SEMA6D: variants seen among roughly 807,000 people sequenced by gnomAD.
SEMA6D encodes semaphorin 6D, also known as semaphorin-6D.
Under a neutral mutation model 106.6 loss-of-function variants are expected in SEMA6D, and 35 were observed. That is an observed-to-expected ratio of 0.33 (90% CI 0.25 to 0.44). SEMA6D has a LOEUF of 0.44. Ranked by LOEUF, SEMA6D falls within the 20% of genes least tolerant of loss-of-function variation. The pLI, the probability that SEMA6D is intolerant of heterozygous loss-of-function variation, is 1.00. For synonymous variants in SEMA6D, 499 were observed against 487.7 expected (o/e 1.02, Z -0.31); for missense variants, 1,185 against 1,345.9 (o/e 0.88, Z 1.87).
At chr15:47,505,045 C>T (rs1429548706) in intron 3 of SEMA6D, among the ~76,000 whole-genome samples, 2 of 152,062 alleles carry the variant, frequency 1.3e-5, no homozygotes, top group African/African-American at 4.8e-5. Flanking sequence ...ATTACAGTGG[C>T]TCAGTGTGGC....
At chr15:47,544,268 C>A (rs949012910) in intron 3 of SEMA6D, among the ~76,000 whole-genome samples, 1 of 152,068 alleles carries the variant, frequency 6.6e-6, no homozygotes, top group Non-Finnish European at 1.5e-5. Flanking sequence ...CCCAAAATAT[C>A]CAAAATAAAG....
At chr15:47,412,771 G>T (rs79035739) in intron 2 of SEMA6D, among the ~76,000 whole-genome samples, 4,129 of 152,216 alleles carry the variant, frequency 0.027, 116 homozygotes, top group East Asian at 0.11. Flanking sequence ...ATTCAGAAGA[G>T]ATATGATTAT....
intron 1 of SEMA6D, among the ~76,000 whole-genome samples, chr15:47,338,536 G>GAA (rs1258140640): frequency 6.6e-6 from 1 of 151,848 alleles, no homozygotes; most frequent in South Asian, 2.1e-4. Context: ...AATTAAATTA[G>GAA]AAAAAAATTA....
At chr15:47,646,903 G>T (rs1275467959) in intron 4 of SEMA6D, among the ~76,000 whole-genome samples, 2 of 152,106 alleles carry the variant, frequency 1.3e-5, no homozygotes, top group African/African-American at 4.8e-5. Flanking sequence ...GACTAAAAAA[G>T]GTTGGCATTT....
intron 4 of SEMA6D, among the ~76,000 whole-genome samples, chr15:47,689,238 C>T (rs966807989): frequency 6.6e-6 from 1 of 152,102 alleles, no homozygotes; most frequent in Non-Finnish European, 1.5e-5. Context: ...TTCAGTCACC[C>T]CTTTGAATTT....
At chr15:47,519,610 A>C (rs1476025431) in intron 3 of SEMA6D, among the ~76,000 whole-genome samples, 1 of 152,214 alleles carries the variant, frequency 6.6e-6, no homozygotes, top group Non-Finnish European at 1.5e-5. Context: ...TGCCATTTAC[A>C]AAACTCAGGC....
chr15:47,751,961 G>A (rs990228831), intron 1 of SEMA6D, among the ~76,000 whole-genome samples: 1 of 152,178 alleles, frequency 6.6e-6, no homozygotes, highest in South Asian at 2.1e-4. Context: ...GGCTTGGTAG[G>A]TGGCATGACA....
Position 47,727,567 on chromosome 15 carries a change from G to A in SEMA6D, c.-55+9875G>A, listed in dbSNP as rs373438668. ...ATCTAAGACCTCTTGCCTACGGCAC[G>A]AAGAGAATGATTATGAGCTGAAGAC... On this transcript the variant is annotated intron_variant, in intron 1 of 18. Transcript: ENST00000536845. Among the ~76,000 whole-genome samples the A allele has an allele frequency of 2.5e-4, 38 of 152,314 alleles. 1 individual carries two copies. Among genetic ancestry groups the A allele is most frequent in the South Asian group, 2.5e-3 (12 of 4,830 alleles).
chr15:47,445,670 A>C (rs1427856369), intron 2 of SEMA6D, among the ~76,000 whole-genome samples: 1 of 151,748 alleles, frequency 6.6e-6, no homozygotes, highest in East Asian at 1.9e-4. Context: ...CCTTTTATCA[A>C]ATGTTTAGAT....
At chr15:47,441,213 A>G (rs1054701092) in intron 2 of SEMA6D, among the ~76,000 whole-genome samples, 1 of 152,234 alleles carries the variant, frequency 6.6e-6, no homozygotes, top group African/African-American at 2.4e-5. Context: ...AAGTGTTGCC[A>G]GTTCCTGACC....
Position 47,761,251 on chromosome 15 carries a change from T to C in SEMA6D, c.345+31T>C, listed in dbSNP as rs778910646. On this transcript the variant is annotated intron_variant, in intron 5 of 18. Coordinates refer to ENST00000536845, the MANE Select transcript of SEMA6D (RefSeq NM_001358351.3). ...TGAAACAGAAAAATGTCTGCTAGAT[T>C]TAGTCTTTCTGTGGGCTTGATACCA... 6.8e-6 allele frequency: 11 copies of C among 1,612,878 alleles called. No individual in the cohort carries two copies. The South Asian group carries it at 1.2e-4, about 18-fold the overall frequency.
chr15:47,707,589 A>G (rs1166915775), intron 4 of SEMA6D, among the ~76,000 whole-genome samples: 1 of 152,164 alleles, frequency 6.6e-6, no homozygotes, highest in African/African-American at 2.4e-5. Flanking sequence ...TAGGAATGTG[A>G]AGGATGAAGG....
chr15:47,298,155 A>C (rs2035876612), intron 1 of SEMA6D, among the ~76,000 whole-genome samples: 1 of 152,188 alleles, frequency 6.6e-6, no homozygotes, highest in Admixed American at 6.5e-5. Flanking sequence ...TGTGGTGAGA[A>C]GAAACTCATG....
rs16960071 is a variant in SEMA6D at position 47,766,572 on chromosome 15, T to A, written c.1647-44T>A. On this transcript the variant is annotated intron_variant, in intron 15 of 18. Coordinates refer to ENST00000536845, the MANE Select transcript of SEMA6D (RefSeq NM_001358351.3). Reference sequence around the variant, plus strand: ...GCTCTGGTTGTCACTTGTGTTCCTATGAAGGCTGTTAACCGAAGACTTCTT... The same window carrying A: ...GCTCTGGTTGTCACTTGTGTTCCTAAGAAGGCTGTTAACCGAAGACTTCTT... 0.032 allele frequency: 50,479 copies of A among 1,600,272 alleles called. 1,110 individuals carry two copies. The highest frequency in any genetic ancestry group is 0.069 in the South Asian group (6,239 of 90,584).
At position 47,761,190 on chromosome 15, in the gene SEMA6D, A is replaced by G; in HGVS notation, c.315A>G (p.Arg105=). ...CATGGCGATCAAGACAACAGGATCG[A>G]GAAAACTGTGCTATGAAAGGCAAGC... is the stretch of plus-strand genomic sequence containing the variant. ...KLTWRSRQQD[R]ENCAMKGKHK... Residue 105 remains arginine (R), a synonymous_variant, in exon 5 of 19, where the codon CGA becomes CGG. Transcript: ENST00000536845. 1.2e-6 allele frequency: 2 copies of G among 1,613,896 alleles called. No homozygotes were observed. The highest frequency in any genetic ancestry group is 2.2e-5 in the South Asian group (2 of 91,082).
intron 1 of SEMA6D, among the ~76,000 whole-genome samples, chr15:47,404,358 T>C (rs1567056085): frequency 6.6e-6 from 1 of 152,242 alleles, no homozygotes; most frequent in Non-Finnish European, 1.5e-5. Context: ...TTGTTTTTAC[T>C]ACTGTAGGGT....
chr15:47,239,672 C>T (rs2032783535), intron 1 of SEMA6D, among the ~76,000 whole-genome samples: 1 of 152,060 alleles, frequency 6.6e-6, no homozygotes, highest in African/African-American at 2.4e-5. Flanking sequence ...AAGAGCCTGG[C>T]TGGCTCTGTT....
At chr15:47,675,566 T>C (rs905769539) in intron 4 of SEMA6D, among the ~76,000 whole-genome samples, 1 of 152,156 alleles carries the variant, frequency 6.6e-6, no homozygotes, top group Non-Finnish European at 1.5e-5. Context: ...ATCTGTGGTA[T>C]TTTGCTATGG....
rs73388999 is a variant in SEMA6D at position 47,540,246 on chromosome 15, C to G, written c.-86-60619C>G. ...GTAAGCCATAATTCAGGGAATCCACCCACATATAAACGAGATTTGCCTGTA... is the reference window on the plus strand; with the variant it reads ...GTAAGCCATAATTCAGGGAATCCACGCACATATAAACGAGATTTGCCTGTA... On this transcript the variant is annotated intron_variant, in intron 3 of 19. Transcript: ENST00000558014. Among the ~76,000 whole-genome samples the G allele has an allele frequency of 6.6e-3, 1,001 of 152,012 alleles. 10 individuals are homozygous for G. Among genetic ancestry groups the G allele is most frequent in the African/African-American group, 0.023 (969 of 41,448 alleles).
Sources: gnomAD v4.1 joint callset for allele counts (sites outside exome capture counted in the v4.1 genomes callset) on GRCh38, gnomAD v4.1.1 for gene constraint, MANE v1.5 for transcripts, NCBI Gene and HGNC (gene_info 2026-07-23, HGNC 2026-07-21) for gene names.